Variants in FAM234B observed in about 807,000 individuals in gnomAD.
FAM234B encodes the protein family with sequence similarity 234 member B.
A neutral mutation model predicts 69.3 loss-of-function variants in FAM234B; 33 were observed. The observed-to-expected ratio is 0.48, with a 90% CI of 0.36 to 0.64. The LOEUF (loss-of-function observed/expected upper bound fraction) is 0.64, where lower values mean the gene tolerates loss of function less well. Ranked by LOEUF, FAM234B falls within the 30% of genes least tolerant of loss-of-function variation. FAM234B has a pLI of 0.00. For synonymous variants in FAM234B, 306 were observed against 306.9 expected (o/e 1.00, Z 0.03); for missense variants, 697 against 769.7 (o/e 0.91, Z 1.12).
Position 13,044,509 on chromosome 12 carries a change from G to C in FAM234B, c.37+69G>C. 1 of 1,517,906 alleles carries C rather than the reference G, an allele frequency of 6.6e-7. No individual in the cohort carries two copies. Among genetic ancestry groups the C allele is most frequent in the Non-Finnish European group, 8.9e-7 (1 of 1,118,744 alleles). 94.0% of individuals were successfully genotyped at this position (1,517,906 alleles called of 1,614,324 possible). A position where few individuals can be genotyped will look rare whatever the true frequency, so the allele number is the denominator to read the frequency against. On this transcript the variant is annotated intron_variant, in intron 1 of 12. Transcript: ENST00000197268. This position sits in a 1 kb window ranked among gnomAD's most constrained non-coding sequence, Gnocchi z 5.6. ...TGGAATAAGGGGAGGCGAGGCTCTGGGGGCGAGGCCGGTCGGGCCCTGGCC... is the reference window on the plus strand; with the variant it reads ...TGGAATAAGGGGAGGCGAGGCTCTGCGGGCGAGGCCGGTCGGGCCCTGGCC...
At chr12:13,065,503 A>G (rs1277343408) in intron 5 of FAM234B, among the ~76,000 whole-genome samples, 2 of 152,220 alleles carry the variant, frequency 1.3e-5, no homozygotes, top group African/African-American at 2.4e-5. Context: ...GCAGCCAAAG[A>G]TAATAATATT....
rs149949519 is a variant in FAM234B at position 13,064,346 on chromosome 12, A to G, written c.852+1371A>G. On this transcript the variant is annotated intron_variant, in intron 5 of 12. Transcript: ENST00000197268. Reference sequence around the variant, plus strand: ...AGGGAAAATTTGAATTATTACTTCCATCAGGGAGCAATTCTTTGAAGGGAA... The same window carrying G: ...AGGGAAAATTTGAATTATTACTTCCGTCAGGGAGCAATTCTTTGAAGGGAA... Among the ~76,000 whole-genome samples, 156 of 152,364 alleles carry G rather than the reference A, an allele frequency of 1.0e-3. 2 individuals are homozygous for G. The highest frequency in any genetic ancestry group is 1.6e-3 in the Non-Finnish European group (108 of 68,040).
chr12:13,080,115 G>A, intron 12 of FAM234B, 106 bp downstream of exon 12: 1 of 778,398 alleles, frequency 1.3e-6, no homozygotes, highest in East Asian at 2.7e-5. Flanking sequence ...TTCTTGAGTA[G>A]ATGTGTATCA....
At chr12:13,068,469 G>A (rs751731587) in intron 8 of FAM234B, 22 bp downstream of exon 8, 140 of 1,611,456 alleles carry the variant, frequency 8.7e-5, no homozygotes, top group Non-Finnish European at 1.2e-4. Flanking sequence ...GTTCCTTCTT[G>A]TGTTTGCTGT....
intron 1 of FAM234B, among the ~76,000 whole-genome samples, chr12:13,053,470 T>C (rs1349251848): frequency 6.6e-6 from 1 of 152,136 alleles, no homozygotes; most frequent in African/African-American, 2.4e-5. Flanking sequence ...GAGAGGAATT[T>C]TATAGCTGGG....
chr12:13,074,508 T>C (rs1325992202), intron 10 of FAM234B, among the ~76,000 whole-genome samples: 1 of 152,010 alleles, frequency 6.6e-6, no homozygotes, highest in Non-Finnish European at 1.5e-5. Flanking sequence ...GCAAATAAGA[T>C]TGGCAACGGT....
In FAM234B at chr12:13,067,696, C is replaced by T. The variant is rs1204776079; in HGVS notation, c.1142+400C>T. Among the ~76,000 whole-genome samples, 1 of 152,154 alleles carries T rather than the reference C, an allele frequency of 6.6e-6. No homozygotes were observed. Among genetic ancestry groups the T allele is most frequent in the African/African-American group, 2.4e-5 (1 of 41,438 alleles). On this transcript the variant is annotated intron_variant, in intron 7 of 12. Coordinates refer to ENST00000197268, the MANE Select transcript of FAM234B (RefSeq NM_020853.2). This position sits in a 1 kb window ranked among gnomAD's most constrained non-coding sequence, Gnocchi z 4.7. ...GAAGCAAGGATAGTGTCCATGAAAT[C>T]TTATTTTTTATTTTTATTTATTTCC...
chr12:13,047,979 T>G (rs1591594487), intron 1 of FAM234B, among the ~76,000 whole-genome samples: 1 of 152,298 alleles, frequency 6.6e-6, no homozygotes, highest in East Asian at 1.9e-4. Flanking sequence ...AAACTTGCAG[T>G]CTGTAATCCT....
At chr12:13,048,957 G>A (rs1436512900) in intron 1 of FAM234B, among the ~76,000 whole-genome samples, 3 of 152,112 alleles carry the variant, frequency 2.0e-5, no homozygotes, top group Non-Finnish European at 4.4e-5. Context: ...ACTACCATGA[G>A]AACAGTACGG....
At chr12:13,075,651 T>G (rs558746540) in intron 10 of FAM234B, among the ~76,000 whole-genome samples, 10 of 150,168 alleles carry the variant, frequency 6.7e-5, no homozygotes, top group African/African-American at 2.0e-4. Flanking sequence ...GGACAGGGTT[T>G]CTCCATGTTG....
rs766912252 is a variant in FAM234B, at chr12:13,075,981, A to G, written c.1525-45A>G. 19 of 1,354,332 alleles carry G rather than the reference A, an allele frequency of 1.4e-5. No individual in the cohort carries two copies. In the South Asian group the frequency reaches 2.2e-4, roughly 16 times the overall value. 83.9% of individuals were successfully genotyped at this position (1,354,332 alleles called of 1,614,324 possible). A position where few individuals can be genotyped will look rare whatever the true frequency, so the allele number is the denominator to read the frequency against. ...TCACCTGAGGACTGTCACGTGTGGG[A>G]ATGTAGCGTTACCTTTGCTCTTCCT... On this transcript the variant is annotated intron_variant, in intron 10 of 12. Transcript: ENST00000197268.
At position 13,082,583 on chromosome 12, in the gene FAM234B, T is replaced by G. The variant is rs971753147; in HGVS notation, c.*1953T>G. 6.6e-6 allele frequency: 1 copy of G among 152,348 alleles called. No individual in the cohort carries two copies. Among genetic ancestry groups the G allele is most frequent in the South Asian group, 2.1e-4 (1 of 4,832 alleles). 9.4% of individuals were successfully genotyped at this position (152,348 alleles called of 1,614,324 possible). A position where few individuals can be genotyped will look rare whatever the true frequency, so the allele number is the denominator to read the frequency against. On this transcript the variant is annotated 3_prime_UTR_variant, in exon 13 of 13. Transcript: ENST00000197268. ...TTCCAGATAATTTCTGGGATTTGAATCTACTTGAGTTTAAGGGCCTGGGAC... is the reference window on the plus strand; with the variant it reads ...TTCCAGATAATTTCTGGGATTTGAAGCTACTTGAGTTTAAGGGCCTGGGAC...
rs1864925507 is a variant in FAM234B at position 13,055,862 on chromosome 12, C to T, written c.349C>T (p.Leu117=). ...GCTGACTTTGGGGATCTCGATGATC[C>T]TGGTGCTCCTGTGTGCTTTCCTGAT... ...FLLTLGISMI[L]VLLCAFLIPC... is the part of the protein sequence containing the mutation. The change falls in exon 2 of 13, where the codon CTG becomes TTG. Residue 117 remains leucine, a synonymous_variant. Transcript: ENST00000197268. The T allele has an allele frequency of 6.2e-7, 1 of 1,613,738 alleles. No homozygotes were observed. Among genetic ancestry groups the T allele is most frequent in the African/African-American group, 1.3e-5 (1 of 74,916 alleles).
chr12:13,068,268 GC>G (rs1458638174), intron 7 of FAM234B, 35 bp from the exon 8 acceptor site: 4 of 1,613,370 alleles, frequency 2.5e-6, no homozygotes, highest in Non-Finnish European at 3.4e-6. Flanking sequence ...TCTCATCCAA[GC>G]CAGAGACTAA....
At chr12:13,058,585 G>A (rs758137639) in intron 3 of FAM234B, 36 bp downstream of exon 3, 5 of 1,535,712 alleles carry the variant, frequency 3.3e-6, no homozygotes, top group Non-Finnish European at 1.8e-6. Flanking sequence ...TGCTACAGGG[G>A]CACTGTCAGC....
chr12:13,047,352 ATTTAT>A (rs1365103487), intron 1 of FAM234B, among the ~76,000 whole-genome samples: 1 of 152,086 alleles, frequency 6.6e-6, no homozygotes, highest in Non-Finnish European at 1.5e-5. Context: ...ATTTTTTATG[ATTTAT>A]TTTGTTTGTG....
At chr12:13,049,040 A>G (rs1373277812) in intron 1 of FAM234B, among the ~76,000 whole-genome samples, 1 of 152,256 alleles carries the variant, frequency 6.6e-6, no homozygotes, top group Non-Finnish European at 1.5e-5. Flanking sequence ...ATGGAAGTAC[A>G]ATTCAAGTTG....
At chr12:13,045,322 A>G (rs1565505054) in intron 1 of FAM234B, among the ~76,000 whole-genome samples, 1 of 152,090 alleles carries the variant, frequency 6.6e-6, no homozygotes, top group Non-Finnish European at 1.5e-5. Flanking sequence ...TAAATTTTAA[A>G]CATTAGGCTT....
At position 13,062,943 on chromosome 12, in the gene FAM234B, G is replaced by C. The variant is rs1864999815; in HGVS notation, c.820G>C (p.Asp274His). 2 of 1,614,028 alleles carry C rather than the reference G, an allele frequency of 1.2e-6. No homozygotes were observed. Among genetic ancestry groups the C allele is most frequent in the South Asian group, 2.2e-5 (2 of 91,070 alleles). The part of the protein sequence containing the change: ...LPDLDEDGVR[D>H]LVVLAIGELQ... The stretch of plus-strand genomic sequence containing the variant: ...AGACTTGGATGAAGACGGTGTTCGA[G>C]ACCTTGTGGTTCTGGCCATTGGGGA... The change falls in exon 5 of 13, where the codon GAC becomes CAC. Residue 274 changes from aspartate to histidine, a missense_variant. This residue lies in a region of FAM234B where 380 missense variants were observed against 447.1 expected (regional missense o/e 0.85). Transcript: ENST00000197268.
Sources: allele counts gnomAD v4.1 joint callset (sites outside exome capture counted in the v4.1 genomes callset), GRCh38; gene constraint gnomAD v4.1.1; regional missense constraint gnomAD v4.1.1; non-coding constraint Gnocchi (gnomAD v3.1); transcripts MANE v1.5; gene names NCBI Gene and HGNC (gene_info 2026-07-23, HGNC 2026-07-21).